The following SMIM35 variants were observed in gnomAD, a reference collection of about 807,000 sequenced individuals.
SMIM35 encodes TMPRSS4 antisense RNA 1 (non-protein coding).
At chr11:118,086,504 A>G (rs995422412) in intron 1 of SMIM35, among the ~76,000 whole-genome samples, 3 of 152,250 alleles carry the variant, frequency 2.0e-5, no homozygotes, top group Admixed American at 6.5e-5. Flanking sequence ...GTTTGTGAGG[A>G]TGCTCCCTGA....
intron 1 of SMIM35, among the ~76,000 whole-genome samples, chr11:118,079,037 C>T (rs1315679098): frequency 6.6e-6 from 1 of 152,182 alleles, no homozygotes; most frequent in African/African-American, 2.4e-5. Context: ...AGGGAAGGAG[C>T]TGGGCATTGC....
At chr11:118,030,925 A>G (rs911542891) in intron 1 of SMIM35, among the ~76,000 whole-genome samples, 2 of 152,198 alleles carry the variant, frequency 1.3e-5, no homozygotes, top group African/African-American at 2.4e-5. Context: ...CCCAGCATGA[A>G]GTATCAGAGC....
At chr11:118,061,080 C>T (rs1184384233) in intron 1 of SMIM35, among the ~76,000 whole-genome samples, 1 of 152,194 alleles carries the variant, frequency 6.6e-6, no homozygotes, top group East Asian at 1.9e-4. Flanking sequence ...AGCATATGGT[C>T]GTGGCCCTGC....
chr11:118,038,724 A>G (rs1943949623), intron 1 of SMIM35, among the ~76,000 whole-genome samples: 1 of 152,198 alleles, frequency 6.6e-6, no homozygotes, highest in African/African-American at 2.4e-5. Context: ...GGGGACCTGA[A>G]CTACTCTGAG....
intron 1 of SMIM35, among the ~76,000 whole-genome samples, chr11:118,027,016 C>CTTTTTTTTTTTTTTTTT (rs60864416): frequency 2.1e-5 from 2 of 93,254 alleles, no homozygotes; most frequent in African/African-American, 8.4e-5. Flanking sequence ...ACCACCACCA[C>CTTTTTTTTTTTTTTTTT]TTTTTTTTTT....
chr11:118,073,078 C>A (rs1017059277), intron 1 of SMIM35, among the ~76,000 whole-genome samples: 1 of 152,174 alleles, frequency 6.6e-6, no homozygotes, highest in African/African-American at 2.4e-5. Flanking sequence ...CCACCACGCC[C>A]GGCTAATTTT....
intron 1 of SMIM35, among the ~76,000 whole-genome samples, chr11:118,040,624 C>A (rs1170545499): frequency 6.6e-6 from 1 of 152,028 alleles, no homozygotes; most frequent in African/African-American, 2.4e-5. Flanking sequence ...AGCAAATGAT[C>A]TCATGCTAAT....
intron 1 of SMIM35, among the ~76,000 whole-genome samples, chr11:118,026,217 G>A (rs1009605047): frequency 2.0e-5 from 3 of 152,140 alleles, no homozygotes; most frequent in Non-Finnish European, 4.4e-5. Flanking sequence ...GTTTGAAGTT[G>A]GGTAATGTGA....
At chr11:118,006,418 T>C (rs2058122240) in intron 4 of SMIM35, 42 bp from the exon 5 acceptor site, 1 of 152,236 alleles carries the variant, frequency 6.6e-6, no homozygotes, top group Admixed American at 6.5e-5. Context: ...ACTTCTTTAA[T>C]TAGTGCCCTG....
Position 118,004,534 on chromosome 11 carries a change from C to T in SMIM35, c.*1876G>A, listed in dbSNP as rs1253760766. 6.6e-6 allele frequency: 1 copy of T among 152,200 alleles called. No homozygotes were observed. The highest frequency in any genetic ancestry group is 6.5e-5 in the Admixed American group (1 of 15,268). The allele number at this position is 152,200 out of a possible 1,614,324, so 9.4% of individuals were successfully genotyped here. A position where few individuals can be genotyped will look rare whatever the true frequency, so the allele number is the denominator to read the frequency against. On this transcript the variant is annotated 3_prime_UTR_variant, in exon 5 of 5. Coordinates refer to ENST00000689828, the MANE Select transcript of SMIM35 (RefSeq NM_001394165.1). ...GAGTTCTGGCTTAATAATGACAAGT[C>T]ATCCAAGAAAAGGTCTTTCAGCAAT...
At chr11:118,034,386 C>CAAA (rs2058342421) in intron 1 of SMIM35, among the ~76,000 whole-genome samples, 1 of 152,156 alleles carries the variant, frequency 6.6e-6, no homozygotes, top group Non-Finnish European at 1.5e-5. Flanking sequence ...GTCACTGTCT[C>CAAA]AATTTATATT....
At chr11:118,026,791 G>A (rs569506489) in intron 1 of SMIM35, among the ~76,000 whole-genome samples, 23 of 152,184 alleles carry the variant, frequency 1.5e-4, no homozygotes, top group Admixed American at 4.6e-4. Context: ...AACACAGTGA[G>A]ACCCTGTTTC....
At chr11:118,044,368 T>A (rs1428097108) in intron 1 of SMIM35, among the ~76,000 whole-genome samples, 3 of 148,186 alleles carry the variant, frequency 2.0e-5, no homozygotes, top group African/African-American at 7.5e-5. Flanking sequence ...AGCATGAAGG[T>A]AATGGTGGCA....
intron 4 of SMIM35, among the ~76,000 whole-genome samples, chr11:118,011,649 G>A (rs976228133): frequency 1.1e-4 from 16 of 152,214 alleles, no homozygotes; most frequent in African/African-American, 3.4e-4. Flanking sequence ...CCAAGATCCC[G>A]CCACTGCACT....
intron 1 of SMIM35, among the ~76,000 whole-genome samples, chr11:118,046,579 C>T (rs984613233): frequency 3.9e-5 from 6 of 152,192 alleles, no homozygotes; most frequent in Non-Finnish European, 8.8e-5. Context: ...CAAGTTGTCC[C>T]TCCAATTAAG....
chr11:118,012,169 G>C (rs887504554), intron 4 of SMIM35, among the ~76,000 whole-genome samples: 5 of 152,222 alleles, frequency 3.3e-5, no homozygotes, highest in African/African-American at 1.2e-4. Flanking sequence ...GAGGCTGGCA[G>C]CTGGCTGTTC....
intron 1 of SMIM35, among the ~76,000 whole-genome samples, chr11:118,048,717 A>T (rs994314118): frequency 6.6e-6 from 1 of 151,874 alleles, no homozygotes; most frequent in Non-Finnish European, 1.5e-5. Flanking sequence ...AGTATGGGGG[A>T]AAAAAACAAC....
intron 1 of SMIM35, among the ~76,000 whole-genome samples, chr11:118,080,730 CAG>C (rs1945059847): frequency 1.3e-5 from 2 of 152,262 alleles, no homozygotes; most frequent in East Asian, 1.9e-4. Flanking sequence ...AGACCCAAAA[CAG>C]AGCTGGGGAA....
intron 1 of SMIM35, among the ~76,000 whole-genome samples, chr11:118,018,932 A>G (rs1011858301): frequency 1.3e-5 from 2 of 151,694 alleles, no homozygotes; most frequent in African/African-American, 4.9e-5. Context: ...AAGAACAGCC[A>G]TGTGCCTACT....
Sources: allele counts gnomAD v4.1 joint callset (sites outside exome capture counted in the v4.1 genomes callset), GRCh38; gene constraint gnomAD v4.1.1; transcripts MANE v1.5; gene names NCBI Gene and HGNC (gene_info 2026-07-23, HGNC 2026-07-21).